The following GLIS3 variants were observed in gnomAD, a reference collection of about 807,000 sequenced individuals.
GLIS3 encodes the protein zinc finger protein GLIS3.
Under a neutral mutation model 78.6 loss-of-function variants are expected in GLIS3, and 53 were observed. That is an observed-to-expected ratio of 0.67 (90% CI 0.54 to 0.85). GLIS3 has a LOEUF of 0.85. GLIS3 is among the 40% of genes least tolerant of loss of function. GLIS3 has a pLI of 0.00. For missense variants in GLIS3, 1,703 were observed against 1,231.1 expected (o/e 1.38, Z -5.74); for synonymous variants, 684 against 509.9 (o/e 1.34, Z -4.60).
intron 4 of GLIS3, among the ~76,000 whole-genome samples, chr9:4,048,821 C>T (rs1176570922): frequency 6.6e-6 from 1 of 152,126 alleles, no homozygotes; most frequent in Non-Finnish European, 1.5e-5. Flanking sequence ...AATATCTGAC[C>T]AACAACTTAG....
rs73384263 is a variant in GLIS3 at position 3,883,565 on chromosome 9, C to A, written c.2129-3970G>T. 6.8e-3 allele frequency among the ~76,000 whole-genome samples: 1,043 copies of A among 152,318 alleles called. 8 individuals are homozygous for A. Among genetic ancestry groups the A allele is most frequent in the African/African-American group, 0.024 (993 of 41,564 alleles). ...TTCCAAACTCAACGAATAGGGCACA[C>A]AATTGTGGCCTATCGATCAAAACAT... On this transcript the variant is annotated intron_variant, in intron 7 of 10. Coordinates refer to ENST00000381971, the MANE Select transcript of GLIS3 (RefSeq NM_001042413.2).
chr9:4,255,893 C>G (rs889554515), intron 2 of GLIS3, among the ~76,000 whole-genome samples: 9 of 152,008 alleles, frequency 5.9e-5, no homozygotes, highest in Non-Finnish European at 8.8e-5. Context: ...GCAGGTTCAT[C>G]CACTGTAACG....
At chr9:4,268,722 A>T (rs1826234091) in intron 2 of GLIS3, among the ~76,000 whole-genome samples, 1 of 152,184 alleles carries the variant, frequency 6.6e-6, no homozygotes, top group South Asian at 2.1e-4. Context: ...GTAGGAACCC[A>T]CACTTGTTGA....
In GLIS3 at chr9:3,828,377, G is replaced by A. The variant is rs776901417; in HGVS notation, c.2688C>T (p.Leu896=). 2.4e-5 allele frequency: 38 copies of A among 1,613,542 alleles called. No individual in the cohort carries two copies. Among genetic ancestry groups the A allele is most frequent in the Admixed American group, 6.7e-5 (4 of 60,010 alleles). Residue 896 remains leucine, a synonymous_variant, in exon 11 of 11, where the codon CTC becomes CTT. Coordinates refer to ENST00000381971, the MANE Select transcript of GLIS3 (RefSeq NM_001042413.2). The part of the protein sequence containing the change: ...VYDLPSSSSS[L]FGESLRSGAE... ...CCCCGCTGCGGAGAGACTCCCCAAA[G>A]AGGCTCGAGGAACTTGAAGGTAAAT...
At chr9:4,280,178 C>T (rs1000620730) in intron 2 of GLIS3, among the ~76,000 whole-genome samples, 5 of 152,122 alleles carry the variant, frequency 3.3e-5, no homozygotes, top group Admixed American at 1.3e-4. Context: ...TGCCAACACA[C>T]CCAGCTAATT....
At chr9:4,427,452 A>G in the GLIS3 span, among the ~76,000 whole-genome samples, 2 of 152,254 alleles carry the variant, frequency 1.3e-5, 1 homozygote, top group South Asian at 4.1e-4. Flanking sequence ...CAAGTTCAGC[A>G]CCCAGGATGT....
intron 6 of GLIS3, among the ~76,000 whole-genome samples, chr9:3,907,655 C>CACACACACACACACA (rs758113264): frequency 5.5e-5 from 8 of 146,356 alleles, no homozygotes; most frequent in South Asian, 2.2e-4. Context: ...CACACACACA[C>CACACACACACACACA]TACTAAACAG....
the GLIS3 span, among the ~76,000 whole-genome samples, chr9:4,387,858 A>G: frequency 6.6e-6 from 1 of 152,234 alleles, no homozygotes; most frequent in Non-Finnish European, 1.5e-5. Context: ...GTGTAACTGT[A>G]GCCTTTACAG....
rs191516176 is a variant in GLIS3, at chr9:4,075,482, G to A, written c.1710+42286C>T. ...TCCCAGCTACTCGGGAGGCTGAGGC[G>A]GAAGAATGGTGTGAACCCAGGAGGC... On this transcript the variant is annotated intron_variant, in intron 4 of 10. Transcript: ENST00000381971. 5.6e-3 allele frequency among the ~76,000 whole-genome samples: 854 copies of A among 151,820 alleles called. 5 individuals are homozygous for A. Among genetic ancestry groups the A allele is most frequent in the African/African-American group, 0.016 (655 of 41,456 alleles).
At chr9:4,143,274 T>A (rs1188625134) in intron 2 of GLIS3, among the ~76,000 whole-genome samples, 1 of 151,948 alleles carries the variant, frequency 6.6e-6, no homozygotes, top group Non-Finnish European at 1.5e-5. Flanking sequence ...GAAGTTAAGA[T>A]CTACTCTCTT....
At position 4,251,179 on chromosome 9, in the gene GLIS3, T is replaced by C. The variant is rs185467306; in HGVS notation, c.388+34859A>G. ...ATATCCTTGTTCATTTTCTGTCCCA[T>C]TGATCTGTCTAATATTGGCAGTGTG... On this transcript the variant is annotated intron_variant, in intron 2 of 10. Transcript: ENST00000381971. Among the ~76,000 whole-genome samples the C allele has an allele frequency of 9.2e-3, 1,394 of 152,290 alleles. 11 individuals carry two copies. Among genetic ancestry groups the C allele is most frequent in the Non-Finnish European group, 0.017 (1,123 of 68,014 alleles).
upstream of GLIS3, among the ~76,000 whole-genome samples, chr9:4,303,009 CTAGAG>C (rs1817131525): frequency 1.3e-5 from 2 of 152,292 alleles, no homozygotes; most frequent in African/African-American, 2.4e-5. Context: ...TCACTCAAAG[CTAGAG>C]TACAAAATAG....
At chr9:4,457,848 CAAAA>C in the GLIS3 span, among the ~76,000 whole-genome samples, 1 of 123,412 alleles carries the variant, frequency 8.1e-6, no homozygotes, top group African/African-American at 3.2e-5. Context: ...GACTCCATCT[CAAAA>C]AAAAAAAAAA....
At chr9:4,332,185 A>ATTT (rs1278832467) in intron 2 of GLIS3, among the ~76,000 whole-genome samples, 1 of 152,198 alleles carries the variant, frequency 6.6e-6, no homozygotes, top group Non-Finnish European at 1.5e-5. Flanking sequence ...ATCCCAAAAT[A>ATTT]GAAGAAAATA....
At chr9:4,180,203 G>C (rs73643714) in intron 2 of GLIS3, among the ~76,000 whole-genome samples, 1,616 of 152,134 alleles carry the variant, frequency 0.011, 36 homozygotes, top group African/African-American at 0.037. Flanking sequence ...GAGGAGATGG[G>C]GACTGGAGAG....
At chr9:4,133,475 G>A (rs1833130492) in intron 2 of GLIS3, among the ~76,000 whole-genome samples, 2 of 152,160 alleles carry the variant, frequency 1.3e-5, no homozygotes, top group African/African-American at 4.8e-5. Context: ...AAAGATGGTG[G>A]AAGGAAAGAA....
the GLIS3 span, among the ~76,000 whole-genome samples, chr9:4,461,068 T>C: frequency 6.6e-6 from 1 of 152,242 alleles, no homozygotes; most frequent in Admixed American, 6.5e-5. Flanking sequence ...TTTTACCAAA[T>C]GAGGAATTCT....
the GLIS3 span, among the ~76,000 whole-genome samples, chr9:4,432,638 CTTTT>C: frequency 3.5e-5 from 4 of 113,528 alleles, no homozygotes; most frequent in Non-Finnish European, 3.6e-5. Flanking sequence ...TTTTTATTTC[CTTTT>C]TTTTTTTTTT....
chr9:4,130,512 C>A (rs768386371), intron 2 of GLIS3, among the ~76,000 whole-genome samples: 26 of 152,246 alleles, frequency 1.7e-4, no homozygotes, highest in Non-Finnish European at 3.4e-4. Flanking sequence ...GCTCTAGCTC[C>A]AGTCTTGGCT....
Sources: gnomAD v4.1 joint callset for allele counts (sites outside exome capture counted in the v4.1 genomes callset) on GRCh38, gnomAD v4.1.1 for gene constraint, MANE v1.5 for transcripts, NCBI Gene and HGNC (gene_info 2026-07-23, HGNC 2026-07-21) for gene names.